The following CLSTN2 variants were observed in gnomAD, a reference collection of about 807,000 sequenced individuals.
CLSTN2 encodes the protein calsyntenin 2.
CLSTN2 carries 48 observed loss-of-function variants against 101.2 expected under a neutral mutation model. The ratio of observed to expected loss-of-function variants is 0.47; its 90% CI spans 0.38 to 0.60. The LOEUF (loss-of-function observed/expected upper bound fraction) is 0.60. CLSTN2 is among the 20% of genes least tolerant of loss of function. The pLI is 0.00. For missense variants in CLSTN2, 1,160 were observed against 1,238.2 expected (o/e 0.94, Z 0.95); for synonymous variants, 481 against 463.6 (o/e 1.04, Z -0.48).
intron 1 of CLSTN2, among the ~76,000 whole-genome samples, chr3:140,020,284 G>T (rs1298850264): frequency 6.6e-6 from 1 of 152,172 alleles, no homozygotes; most frequent in East Asian, 1.9e-4. Context: ...TCTGTGAGAA[G>T]ACCCTATGCT....
chr3:140,278,107 T>C lies in CLSTN2; in HGVS notation c.232+102034T>C, dbSNP rs530855790. 5.3e-5 allele frequency among the ~76,000 whole-genome samples: 8 copies of C among 152,324 alleles called. 1 individual carries two copies. In the South Asian group the frequency reaches 6.2e-4, roughly 12 times the overall value. ...CAGTGTGCAAGCAGGATTAGAGTAG[T>C]CTGAGGGGGCTTACGCCTAAACTCC... On this transcript the variant is annotated intron_variant, in intron 2 of 16. Coordinates refer to ENST00000458420, the MANE Select transcript of CLSTN2 (RefSeq NM_022131.3).
At chr3:140,102,854 C>T (rs1427900319) in intron 1 of CLSTN2, among the ~76,000 whole-genome samples, 1 of 152,182 alleles carries the variant, frequency 6.6e-6, no homozygotes, top group East Asian at 1.9e-4. Context: ...ACTCCAGGCT[C>T]AAAACTTTCT....
chr3:140,409,023 T>G (rs1046445290), intron 4 of CLSTN2, among the ~76,000 whole-genome samples: 2 of 152,182 alleles, frequency 1.3e-5, no homozygotes, highest in African/African-American at 4.8e-5. Context: ...TGCAGCTGCA[T>G]GCATGTACAC....
At chr3:139,943,766 CCA>C (rs1022031783) in intron 1 of CLSTN2, among the ~76,000 whole-genome samples, 4 of 152,284 alleles carry the variant, frequency 2.6e-5, no homozygotes, top group African/African-American at 9.6e-5. Context: ...CAAAAGCCAC[CCA>C]CCTCCAACCT....
intron 1 of CLSTN2, among the ~76,000 whole-genome samples, chr3:140,048,896 C>A (rs768120114): frequency 2.0e-5 from 3 of 152,226 alleles, no homozygotes; most frequent in Non-Finnish European, 4.4e-5. Context: ...CAGACTCTCA[C>A]TTCCTGTTCT....
rs75349641 is a variant in CLSTN2, at chr3:140,158,394, A to G, written c.110-17557A>G. On this transcript the variant is annotated intron_variant, in intron 1 of 16. Transcript: ENST00000458420. The stretch of plus-strand genomic sequence containing the variant: ...GTACAAAAGCCAGTAGAATTTCCAT[A>G]TACCAATAACATTCAAGCTGAAAGT... Among the ~76,000 whole-genome samples the G allele has an allele frequency of 6.8e-4, 102 of 150,376 alleles. No individual in the cohort carries two copies. In the East Asian group the frequency reaches 0.018, roughly 26 times the overall value.
At chr3:140,482,865 C>CA (rs1416676921) in intron 8 of CLSTN2, among the ~76,000 whole-genome samples, 1 of 151,948 alleles carries the variant, frequency 6.6e-6, no homozygotes, top group East Asian at 1.9e-4. Context: ...AGCGGTGTAT[C>CA]AATTTTGTTG....
chr3:140,349,422 G>A (rs2087583411), intron 2 of CLSTN2, among the ~76,000 whole-genome samples: 1 of 152,184 alleles, frequency 6.6e-6, no homozygotes, highest in African/African-American at 2.4e-5. Context: ...AGTTAGTATA[G>A]GAATAAAGGC....
At chr3:140,332,673 A>C (rs1386451074) in intron 2 of CLSTN2, among the ~76,000 whole-genome samples, 1 of 150,836 alleles carries the variant, frequency 6.6e-6, no homozygotes, top group Non-Finnish European at 1.5e-5. Flanking sequence ...CCTGTCACAC[A>C]GTGTATGCTT....
intron 2 of CLSTN2, among the ~76,000 whole-genome samples, chr3:140,266,093 G>A (rs1175028046): frequency 6.6e-6 from 1 of 152,106 alleles, no homozygotes; most frequent in Non-Finnish European, 1.5e-5. Context: ...TGAAACAGAG[G>A]TGCTGGATTG....
intron 1 of CLSTN2, among the ~76,000 whole-genome samples, chr3:139,999,452 C>T (rs1220130676): frequency 4.6e-5 from 7 of 152,160 alleles, no homozygotes; most frequent in Middle Eastern, 3.4e-3. Flanking sequence ...TCCAGCATCC[C>T]ATACCTGCCT....
intron 2 of CLSTN2, among the ~76,000 whole-genome samples, chr3:140,309,029 T>A (rs900141525): frequency 6.6e-6 from 1 of 152,250 alleles, no homozygotes; most frequent in African/African-American, 2.4e-5. Context: ...TTCATTTGTT[T>A]ATTTAACAAA....
intron 9 of CLSTN2, among the ~76,000 whole-genome samples, chr3:140,533,689 C>A (rs1159499209): frequency 1.7e-5 from 2 of 120,922 alleles, no homozygotes; most frequent in Admixed American, 9.8e-5. Flanking sequence ...CCAGCCTGGG[C>A]AATGGAACGA....
In CLSTN2 at chr3:140,447,268, C is replaced by T. The variant is rs116683961; in HGVS notation, c.788-1251C>T. Among the ~76,000 whole-genome samples the T allele has an allele frequency of 3.6e-3, 551 of 152,342 alleles. 5 individuals carry two copies. Among genetic ancestry groups the T allele is most frequent in the African/African-American group, 0.012 (507 of 41,600 alleles). ...TAGTAAACTAATAGCACCCATAACT[C>T]ACATTGCTTGATGAGTCAGAATCAC... On this transcript the variant is annotated intron_variant, in intron 5 of 16. Coordinates refer to ENST00000458420, the MANE Select transcript of CLSTN2 (RefSeq NM_022131.3).
At chr3:140,014,783 G>A (rs1301225609) in intron 1 of CLSTN2, among the ~76,000 whole-genome samples, 1 of 152,204 alleles carries the variant, frequency 6.6e-6, no homozygotes, top group Non-Finnish European at 1.5e-5. Flanking sequence ...TGTGCAGGAG[G>A]ATGGGAGTGA....
At chr3:140,206,279 T>C (rs944461534) in intron 2 of CLSTN2, among the ~76,000 whole-genome samples, 3 of 152,174 alleles carry the variant, frequency 2.0e-5, no homozygotes, top group Non-Finnish European at 2.9e-5. Flanking sequence ...AGACCTGGTC[T>C]CAGCAGGAGG....
At chr3:140,301,062 C>G (rs538021892) in intron 2 of CLSTN2, among the ~76,000 whole-genome samples, 12 of 152,242 alleles carry the variant, frequency 7.9e-5, no homozygotes, top group African/African-American at 2.9e-4. Context: ...TTTCTCTGCC[C>G]TTTTGCTCTA....
chr3:140,311,472 AT>A lies in CLSTN2; in HGVS notation c.233-92139del, dbSNP rs1241981397. Among the ~76,000 whole-genome samples, 549 of 129,628 alleles carry A rather than the reference AT, an allele frequency of 4.2e-3. 1 individual carries two copies. The highest frequency in any genetic ancestry group is 5.5e-3 in the East Asian group (24 of 4,388). 85.0% of individuals were successfully genotyped at this position (129,628 alleles called of 152,430 possible). ...AGGTGTGTGCCACTATGCCTGGCTA[AT>A]TTTTTTTTTTTTTTTTTAAGTAGAG... On this transcript the variant is annotated intron_variant, in intron 2 of 16. Coordinates refer to ENST00000458420, the MANE Select transcript of CLSTN2 (RefSeq NM_022131.3).
At chr3:140,536,725 T>G (rs1028638357) in intron 9 of CLSTN2, among the ~76,000 whole-genome samples, 14 of 152,318 alleles carry the variant, frequency 9.2e-5, no homozygotes, top group African/African-American at 3.4e-4. Context: ...TCTTTAAAAT[T>G]GGGCTTTATA....
Sources: allele counts gnomAD v4.1 joint callset (sites outside exome capture counted in the v4.1 genomes callset), GRCh38; gene constraint gnomAD v4.1.1; transcripts MANE v1.5; gene names NCBI Gene and HGNC (gene_info 2026-07-23, HGNC 2026-07-21).